Variants in ADAM7 observed in about 807,000 individuals in gnomAD.
The protein encoded by ADAM7 is disintegrin and metalloproteinase domain-containing protein 7.
Under a neutral mutation model 102.9 loss-of-function variants are expected in ADAM7, and 97 were observed. The ratio of observed to expected loss-of-function variants is 0.94; its 90% confidence interval spans 0.80 to 1.12. The LOEUF is 1.12. Among genes scored for constraint, ADAM7 ranks in the 50% most tolerant of loss-of-function variants. ADAM7 has a pLI of 0.00. For missense variants in ADAM7, 991 were observed against 908.7 expected (o/e 1.09, Z -1.16); for synonymous variants, 334 against 304.4 (o/e 1.10, Z -1.01).
rs996149094 is a variant in ADAM7, at chr8:24,498,865, T to G, written c.1843-371T>G. ...TTGTGGTATAATAAACATACATTGC[T>G]AAACCAAAAGAAAAACTTCATTGAA... On this transcript the variant is annotated intron_variant, in intron 16 of 21. Transcript: ENST00000175238. Among the ~76,000 whole-genome samples the G allele has an allele frequency of 8.6e-5, 13 of 151,950 alleles. No homozygotes were observed. The South Asian group carries it at 2.7e-3, about 32-fold the overall frequency.
intron 9 of ADAM7, among the ~76,000 whole-genome samples, chr8:24,483,893 A>C (rs1355547439): frequency 1.3e-5 from 2 of 152,214 alleles, no homozygotes; most frequent in African/African-American, 2.4e-5. Flanking sequence ...GTAGCTTCTC[A>C]TATCAATAGG....
intron 15 of ADAM7, 135 bp downstream of exon 15, chr8:24,492,732 G>C (rs1444146806): frequency 1.6e-6 from 1 of 631,738 alleles, no homozygotes; most frequent in South Asian, 2.7e-5. Context: ...GGAAATCTTG[G>C]TGTCCTGATT....
intron 3 of ADAM7, 31 bp from the exon 4 acceptor site, chr8:24,463,851 A>G (rs1819334544): frequency 2.5e-6 from 4 of 1,581,540 alleles, no homozygotes; most frequent in Non-Finnish European, 3.5e-6. Flanking sequence ...AGAACGAACA[A>G]ATCTCACCAC....
chr8:24,488,923 T>C (rs112714794), intron 11 of ADAM7, among the ~76,000 whole-genome samples: 9 of 152,232 alleles, frequency 5.9e-5, no homozygotes, highest in African/African-American at 1.9e-4. Flanking sequence ...GTCTGTAAGG[T>C]GGGCTTCAGG....
chr8:24,463,771 A>T, intron 3 of ADAM7, 111 bp from the exon 4 acceptor site: 1 of 821,880 alleles, frequency 1.2e-6, no homozygotes, highest in Non-Finnish European at 1.9e-6. Flanking sequence ...GCGGAAGAGG[A>T]TCTTGCTGAG....
intron 8 of ADAM7, among the ~76,000 whole-genome samples, chr8:24,480,256 A>T (rs1289979759): frequency 2.0e-5 from 3 of 152,150 alleles, no homozygotes; most frequent in Admixed American, 1.3e-4. Flanking sequence ...ACTTTTACTG[A>T]AGATTTGTAG....
At chr8:24,456,630 G>T (rs1462048108) in intron 3 of ADAM7, among the ~76,000 whole-genome samples, 1 of 68,116 alleles carries the variant, frequency 1.5e-5, no homozygotes, top group African/African-American at 5.4e-5. Flanking sequence ...TCTGTCCTGG[G>T]AATTTTTTTT....
chr8:24,477,790 C>T (rs1819817757), intron 8 of ADAM7, among the ~76,000 whole-genome samples: 3 of 152,102 alleles, frequency 2.0e-5, no homozygotes, highest in Admixed American at 6.6e-5. Flanking sequence ...TTTGGACCTT[C>T]CCCTATGTGG....
intron 3 of ADAM7, among the ~76,000 whole-genome samples, chr8:24,449,806 C>G (rs1164561121): frequency 2.6e-5 from 4 of 152,106 alleles, no homozygotes; most frequent in Non-Finnish European, 5.9e-5. Context: ...GTCTTTAATC[C>G]ATCCTGAATT....
intron 7 of ADAM7, among the ~76,000 whole-genome samples, chr8:24,472,823 C>T (rs1350247700): frequency 6.6e-6 from 1 of 151,892 alleles, no homozygotes; most frequent in Non-Finnish European, 1.5e-5. Context: ...GAGCCAAGTA[C>T]TAATTCTTTG....
At chr8:24,448,580 T>C (rs762913713) in intron 3 of ADAM7, among the ~76,000 whole-genome samples, 12 of 152,148 alleles carry the variant, frequency 7.9e-5, no homozygotes, top group Non-Finnish European at 1.3e-4. Context: ...ACTGATCTTA[T>C]TAATTTAGAT....
chr8:24,492,992 T>C (rs1204001402), intron 15 of ADAM7, 51 bp from the exon 16 acceptor site: 1 of 1,507,754 alleles, frequency 6.6e-7, no homozygotes, highest in African/African-American at 1.4e-5. Flanking sequence ...CAGCCTAGTC[T>C]CAAAAGTTGT....
At position 24,491,899 on chromosome 8, in the gene ADAM7, A is replaced by T; in HGVS notation, c.1357-4A>T. On this transcript the variant is annotated splice_polypyrimidine_tract_variant and splice_region_variant and intron_variant, in intron 13 of 21. Coordinates refer to ENST00000175238, the MANE Select transcript of ADAM7 (RefSeq NM_003817.4). ...GATTTAGTCTCTTTGTTTTTCCTCAACAGATAAAAAAAGCAGGGTCCATAT... is the reference window on the plus strand; with the variant it reads ...GATTTAGTCTCTTTGTTTTTCCTCATCAGATAAAAAAAGCAGGGTCCATAT... The T allele has an allele frequency of 1.3e-6, 2 of 1,591,614 alleles. No individual in the cohort carries two copies. The highest frequency in any genetic ancestry group is 8.6e-7 in the Non-Finnish European group (1 of 1,169,202).
In ADAM7 at chr8:24,490,789, T is replaced by G. The variant is rs1335750988; in HGVS notation, c.1267-10T>G. The G allele has an allele frequency of 6.2e-7, 1 of 1,609,998 alleles. No individual in the cohort carries two copies. The highest frequency in any genetic ancestry group is 8.5e-7 in the Non-Finnish European group (1 of 1,178,646). Reference sequence around the variant, plus strand: ...CCAATTTCTCATCTCTCTTTTGTGGTTATTGCCAGGAGTGTACTAATCCTT... The same window carrying G: ...CCAATTTCTCATCTCTCTTTTGTGGGTATTGCCAGGAGTGTACTAATCCTT... On this transcript the variant is annotated splice_polypyrimidine_tract_variant and intron_variant, in intron 12 of 21. Transcript: ENST00000175238.
chr8:24,508,626 G>T lies in ADAM7; in HGVS notation c.*80G>T. The T allele has an allele frequency of 6.2e-7, 1 of 1,604,150 alleles. No homozygotes were observed. The highest frequency in any genetic ancestry group is 2.2e-5 in the East Asian group (1 of 44,574). ...TGCAACGTCTTTACAACCTTACCTA[G>T]ATATCTGCTACTCACATTTTTGGTA... On this transcript the variant is annotated 3_prime_UTR_variant, in exon 22 of 22. Transcript: ENST00000175238.
chr8:24,458,777 T>C (rs1819132444), intron 3 of ADAM7, among the ~76,000 whole-genome samples: 1 of 152,168 alleles, frequency 6.6e-6, no homozygotes, highest in African/African-American at 2.4e-5. Flanking sequence ...ACAGTACCTG[T>C]AGATTTGTCA....
chr8:24,441,611 C>T (rs1397637169), intron 1 of ADAM7, among the ~76,000 whole-genome samples: 2 of 152,248 alleles, frequency 1.3e-5, no homozygotes, highest in Middle Eastern at 3.4e-3. Context: ...CTTTTTATTG[C>T]TCTTTAAGTA....
intron 17 of ADAM7, among the ~76,000 whole-genome samples, 154 bp from the exon 18 acceptor site, chr8:24,500,024 T>C (rs1450067311): frequency 6.6e-6 from 1 of 152,202 alleles, no homozygotes; most frequent in African/African-American, 2.4e-5. Flanking sequence ...TTATACATCA[T>C]TGATTTTGTT....
At chr8:24,446,752 T>C (rs1008247649) in intron 2 of ADAM7, among the ~76,000 whole-genome samples, 6 of 151,672 alleles carry the variant, frequency 4.0e-5, no homozygotes, top group African/African-American at 1.5e-4. Context: ...AGCTGCTACA[T>C]GGACATATGG....
Sources: allele counts gnomAD v4.1 joint callset (sites outside exome capture counted in the v4.1 genomes callset), GRCh38; gene constraint gnomAD v4.1.1; transcripts MANE v1.5; gene names NCBI Gene and HGNC (gene_info 2026-07-23, HGNC 2026-07-21).